Variants in CTDSPL observed in about 807,000 individuals in gnomAD.
CTDSPL encodes CTD small phosphatase like.
CTDSPL carries 8 observed loss-of-function variants against 30.5 expected under a neutral mutation model. That is an observed-to-expected ratio of 0.26 (90% CI 0.15 to 0.47). CTDSPL has a LOEUF of 0.47. Among genes scored for constraint, CTDSPL ranks in the 20% least tolerant of loss-of-function variants. The probability of loss-of-function intolerance (pLI) is 0.99; values close to 1 mark genes in which losing one functional copy is unlikely to be tolerated. For missense variants in CTDSPL, 248 were observed against 366.1 expected, an observed-to-expected ratio of 0.68 and a Z score of 2.63; for synonymous variants, 110 against 137.9, an observed-to-expected ratio of 0.80 and a Z score of 1.42.
intron 4 of CTDSPL, 115 bp from the exon 5 acceptor site, chr3:37,967,711 G>A: frequency 1.5e-6 from 1 of 674,730 alleles, no homozygotes; most frequent in South Asian, 1.8e-5. Flanking sequence ...TCCTCCTCCT[G>A]AACTGTTTTT....
At chr3:37,908,452 G>A (rs1404441312) in intron 1 of CTDSPL, among the ~76,000 whole-genome samples, 1 of 151,848 alleles carries the variant, frequency 6.6e-6, no homozygotes, top group African/African-American at 2.4e-5. Flanking sequence ...ATTTTGCTAC[G>A]TAGACTCTGT....
intron 1 of CTDSPL, among the ~76,000 whole-genome samples, chr3:37,904,822 C>T (rs1314447076): frequency 6.6e-6 from 1 of 152,168 alleles, no homozygotes; most frequent in Non-Finnish European, 1.5e-5. Context: ...CCCATCCTTG[C>T]CTCTTAAATG....
At chr3:37,956,998 A>G in intron 2 of CTDSPL, 113 bp from the exon 3 acceptor site, 2 of 874,696 alleles carry the variant, frequency 2.3e-6, no homozygotes, top group Non-Finnish European at 3.7e-6. Flanking sequence ...CCACCAAGGT[A>G]CAGAGAATGG....
At chr3:37,952,270 A>G (rs1575314868) in intron 2 of CTDSPL, among the ~76,000 whole-genome samples, 1 of 152,242 alleles carries the variant, frequency 6.6e-6, no homozygotes, top group Non-Finnish European at 1.5e-5. Context: ...AAGCTGACAA[A>G]TAATAGCTTA....
At chr3:37,908,029 A>C (rs954929532) in intron 1 of CTDSPL, among the ~76,000 whole-genome samples, 3 of 152,262 alleles carry the variant, frequency 2.0e-5, no homozygotes, top group Non-Finnish European at 2.9e-5. Context: ...AAGCTTCTAC[A>C]GTTCAGTTTG....
chr3:37,952,043 G>C (rs1392911440), intron 2 of CTDSPL, among the ~76,000 whole-genome samples: 1 of 152,100 alleles, frequency 6.6e-6, no homozygotes, highest in Admixed American at 6.5e-5. Flanking sequence ...TGGGCACGGT[G>C]GCTAATGTCT....
At position 37,964,645 on chromosome 3, in the gene CTDSPL, T is replaced by C. The variant is rs754260449; in HGVS notation, c.342T>C (p.Asp114=). 1.2e-6 allele frequency: 2 copies of C among 1,613,848 alleles called. No individual in the cohort carries two copies. Among genetic ancestry groups the C allele is most frequent in the Non-Finnish European group, 1.7e-6 (2 of 1,179,818 alleles). ...YGKKCVVIDL[D]ETLVHSSFKP... ...AGAAATGTGTGGTCATTGATTTAGA[T>C]GAAACATTGGTGCACAGTTCGTTTA... Residue 114 remains aspartate, a synonymous_variant, in exon 4 of 8, where the codon GAT becomes GAC. Coordinates refer to ENST00000273179, the MANE Select transcript of CTDSPL (RefSeq NM_001008392.2).
intron 1 of CTDSPL, among the ~76,000 whole-genome samples, chr3:37,944,422 C>T (rs1379077377): frequency 6.7e-6 from 1 of 150,306 alleles, no homozygotes. Context: ...CCAAAACTCT[C>T]TTACCAGTTT....
At chr3:37,875,163 G>A (rs1698122012) in intron 1 of CTDSPL, among the ~76,000 whole-genome samples, 2 of 152,150 alleles carry the variant, frequency 1.3e-5, no homozygotes, top group African/African-American at 4.8e-5. Flanking sequence ...TGTAGCACTG[G>A]GTTGGGATGT....
At chr3:37,886,307 A>G (rs1698262570) in intron 1 of CTDSPL, among the ~76,000 whole-genome samples, 1 of 151,966 alleles carries the variant, frequency 6.6e-6, no homozygotes, top group Non-Finnish European at 1.5e-5. Flanking sequence ...TTACTTAGAC[A>G]TGCCTTCCCA....
intron 1 of CTDSPL, among the ~76,000 whole-genome samples, chr3:37,891,925 T>C (rs1698332427): frequency 6.6e-6 from 1 of 152,238 alleles, no homozygotes; most frequent in Non-Finnish European, 1.5e-5. Flanking sequence ...TATGTGCTTA[T>C]GTACTTTACA....
intron 1 of CTDSPL, among the ~76,000 whole-genome samples, chr3:37,872,539 CTTTTTTTTTT>C (rs34657967): frequency 2.0e-5 from 1 of 51,036 alleles, no homozygotes; most frequent in Non-Finnish European, 3.9e-5. Context: ...TACTTAGGCT[CTTTTTTTTTT>C]TTTTTTTTTT....
chr3:37,971,390 G>T lies in CTDSPL; in HGVS notation c.427-17G>T. 1.2e-6 allele frequency: 2 copies of T among 1,611,704 alleles called. No homozygotes were observed. Among genetic ancestry groups the T allele is most frequent in the Non-Finnish European group, 1.7e-6 (2 of 1,178,482 alleles). ...AACTGCCACATCTGACCAGCCTGCTGTCTCCTGCCATTGCAGGTGTATGTG... is the reference window on the plus strand; with the variant it reads ...AACTGCCACATCTGACCAGCCTGCTTTCTCCTGCCATTGCAGGTGTATGTG... On this transcript the variant is annotated splice_polypyrimidine_tract_variant and intron_variant, in intron 5 of 7. Transcript: ENST00000273179.
chr3:37,920,366 G>C (rs147214837), intron 1 of CTDSPL, among the ~76,000 whole-genome samples: 14 of 152,378 alleles, frequency 9.2e-5, no homozygotes, highest in Non-Finnish European at 1.9e-4. Context: ...AGCCTCTCCA[G>C]AGTTGACTTG....
At chr3:37,901,393 C>T (rs889111989) in intron 1 of CTDSPL, among the ~76,000 whole-genome samples, 1 of 152,166 alleles carries the variant, frequency 6.6e-6, no homozygotes, top group African/African-American at 2.4e-5. Context: ...TCTCATTACA[C>T]AACCCCTCTG....
intron 1 of CTDSPL, among the ~76,000 whole-genome samples, chr3:37,910,537 T>C (rs1008820713): frequency 6.6e-6 from 1 of 152,178 alleles, no homozygotes; most frequent in Non-Finnish European, 1.5e-5. Context: ...AATATTTTAC[T>C]TGCTAAACTC....
intron 6 of CTDSPL, among the ~76,000 whole-genome samples, chr3:37,971,809 G>T (rs1699369888): frequency 6.6e-6 from 1 of 152,234 alleles, no homozygotes; most frequent in Non-Finnish European, 1.5e-5. Context: ...AAAGGATGGT[G>T]TACCCCTCAA....
In CTDSPL at chr3:37,862,205, C is replaced by A; in HGVS notation, c.6C>A (p.Asp2Glu). The A allele has an allele frequency of 7.2e-7, 1 of 1,387,212 alleles. No individual in the cohort carries two copies. The highest frequency in any genetic ancestry group is 9.4e-7 in the Non-Finnish European group (1 of 1,066,268). 85.9% of individuals were successfully genotyped at this position (1,387,212 alleles called of 1,614,324 possible). The change falls in exon 1 of 8, where the codon GAC becomes GAA. Residue 2 changes from aspartate to glutamate, a missense_variant. Around this residue, in one of 4 missense-constraint regions of CTDSPL, gnomAD observed 118 missense variants for 124.7 expected, o/e 0.95. Transcript: ENST00000273179. This position sits in a 1 kb window ranked among gnomAD's most constrained non-coding sequence, Gnocchi z 4.3. Reference sequence around the variant, plus strand: ...GGCCGCCGCGCCGCGCACCCATGGACGGCCCGGCCATCATCACCCAGGTGA... The same window carrying A: ...GGCCGCCGCGCCGCGCACCCATGGAAGGCCCGGCCATCATCACCCAGGTGA... The part of the protein sequence containing the change: M[D>E]GPAIITQVTN...
At chr3:37,948,407 A>G (rs981745951) in intron 2 of CTDSPL, among the ~76,000 whole-genome samples, 1 of 152,254 alleles carries the variant, frequency 6.6e-6, no homozygotes. Context: ...GAATTTCAGG[A>G]AAAATCACTG....
Sources: allele counts gnomAD v4.1 joint callset (sites outside exome capture counted in the v4.1 genomes callset), GRCh38; gene constraint gnomAD v4.1.1; regional missense constraint gnomAD v4.1.1; non-coding constraint Gnocchi (gnomAD v3.1); transcripts MANE v1.5; gene names NCBI Gene and HGNC (gene_info 2026-07-23, HGNC 2026-07-21).